TENM4: variants seen among roughly 807,000 people sequenced by gnomAD.
The protein encoded by TENM4 is teneurin-4.
Under a neutral mutation model 243.3 loss-of-function variants are expected in TENM4, and 82 were observed. The observed-to-expected ratio is 0.34, with a 90% CI of 0.28 to 0.40. TENM4 has a LOEUF of 0.40. TENM4 is among the 10% of genes least tolerant of loss of function. The pLI, the probability that TENM4 is intolerant of heterozygous loss-of-function variation, is 1.00. For synonymous variants in TENM4, 1,412 were observed against 1,456.3 expected (o/e 0.97, Z 0.69); for missense variants, 3,138 against 3,673.3 (o/e 0.85, Z 3.77).
chr11:79,143,829 T>C (rs1429008290), intron 4 of TENM4, among the ~76,000 whole-genome samples: 1 of 151,758 alleles, frequency 6.6e-6, no homozygotes, highest in Non-Finnish European at 1.5e-5. Context: ...ATGTAAGACC[T>C]GAAACTAGGA....
intron 2 of TENM4, among the ~76,000 whole-genome samples, chr11:79,263,278 G>A (rs1016921883): frequency 1.3e-5 from 2 of 152,216 alleles, no homozygotes; most frequent in African/African-American, 2.4e-5. Flanking sequence ...TTGCTGGGCT[G>A]AGAAGAAGGA....
intron 2 of TENM4, among the ~76,000 whole-genome samples, chr11:79,285,987 C>A (rs1174699631): frequency 6.6e-6 from 1 of 151,822 alleles, no homozygotes; most frequent in Non-Finnish European, 1.5e-5. Context: ...TGTGAATAGA[C>A]TAAAAAAATA....
At position 79,215,796 on chromosome 11, in the gene TENM4, A is replaced by G. The variant is rs1429755573; in HGVS notation, c.-163+12T>C. ...CTAATGACAGAAAATCAGAGCAGAC[A>G]AGGGGACTGACCTGGCTCCATGTCA... On this transcript the variant is annotated intron_variant, in intron 3 of 33. Transcript: ENST00000278550. The G allele has an allele frequency of 1.0e-6, 1 of 985,752 alleles. No individual in the cohort carries two copies. Among genetic ancestry groups the G allele is most frequent in the East Asian group, 1.1e-4 (1 of 8,802 alleles). 61.1% of individuals were successfully genotyped at this position (985,752 alleles called of 1,614,324 possible). A position where few individuals can be genotyped will look rare whatever the true frequency, so the allele number is the denominator to read the frequency against.
In TENM4 at chr11:79,425,033, G is replaced by A. The variant is rs79973776; in HGVS notation, c.-321+15476C>T. On this transcript the variant is annotated intron_variant, in intron 1 of 33. Coordinates refer to ENST00000278550, the MANE Select transcript of TENM4 (RefSeq NM_001098816.3). ...CTTAGGTCAGTCTGACTCTTCAGCT[G>A]ATAATGTCTTAATAGTACCTTTAAC... 2.6e-3 allele frequency among the ~76,000 whole-genome samples: 399 copies of A among 152,284 alleles called. 1 individual carries two copies. The highest frequency in any genetic ancestry group is 9.0e-3 in the African/African-American group (375 of 41,564).
intron 20 of TENM4, among the ~76,000 whole-genome samples, chr11:78,734,708 A>G (rs1334232965): frequency 6.6e-6 from 1 of 152,168 alleles, no homozygotes; most frequent in African/African-American, 2.4e-5. Flanking sequence ...TTACCCAGTC[A>G]GAATTCCAGC....
In TENM4 at chr11:79,440,271, C is replaced by G. The variant is rs1278523622; in HGVS notation, c.-321+238G>C. ...CTTGCTCCCAGGCTCCAGTCCGCGG[C>G]GGGCTCCGGGGGCTGCGGCGGCTCC... On this transcript the variant is annotated intron_variant, in intron 1 of 33. Coordinates refer to ENST00000278550, the MANE Select transcript of TENM4 (RefSeq NM_001098816.3). The surrounding 1 kb of genome is among the most constrained non-coding windows in gnomAD (Gnocchi z 4.7). 6.6e-6 allele frequency among the ~76,000 whole-genome samples: 1 copy of G among 151,860 alleles called. No homozygotes were observed. The highest frequency in any genetic ancestry group is 1.5e-5 in the Non-Finnish European group (1 of 67,940).
rs142028210 is a variant in TENM4, at chr11:79,255,106, G to A, written c.-264-39197C>T. ...TGACCAGAAAGGTCTGGAATTCACC[G>A]CAGAATTGGGGGCGTGGTGCAAATC... On this transcript the variant is annotated intron_variant, in intron 2 of 33. Coordinates refer to ENST00000278550, the MANE Select transcript of TENM4 (RefSeq NM_001098816.3). 1.8e-3 allele frequency among the ~76,000 whole-genome samples: 278 copies of A among 152,334 alleles called. 2 individuals are homozygous for A. Among genetic ancestry groups the A allele is most frequent in the African/African-American group, 6.4e-3 (265 of 41,572 alleles).
At chr11:79,068,950 C>T (rs1353156105) in intron 5 of TENM4, among the ~76,000 whole-genome samples, 2 of 152,138 alleles carry the variant, frequency 1.3e-5, no homozygotes, top group Admixed American at 1.3e-4. Context: ...CCCCAAGCTT[C>T]ATCTGGCTGC....
At chr11:79,309,261 G>T (rs970221510) in intron 1 of TENM4, among the ~76,000 whole-genome samples, 1 of 152,236 alleles carries the variant, frequency 6.6e-6, no homozygotes, top group Non-Finnish European at 1.5e-5. Context: ...TATGCTGTCA[G>T]TTTGCAGCCC....
In TENM4 at chr11:78,702,284, C is replaced by A; in HGVS notation, c.4329G>T (p.Gly1443=). The change falls in exon 28 of 34, where the codon GGG becomes GGT. Residue 1443 remains glycine (G), a synonymous_variant. Transcript: ENST00000278550. ...SENHQVRIVA[G]RPMHCQVPGI... ...CAGGGACCTGGCAGTGCATGGGCCT[C>A]CCGGCGACAATGCGCACCTGGTGGT... 6.2e-7 allele frequency: 1 copy of A among 1,614,024 alleles called. No individual in the cohort carries two copies. The highest frequency in any genetic ancestry group is 8.5e-7 in the Non-Finnish European group (1 of 1,179,892).
chr11:79,178,300 A>T (rs1242049502), intron 3 of TENM4, among the ~76,000 whole-genome samples: 1 of 152,152 alleles, frequency 6.6e-6, no homozygotes, highest in Non-Finnish European at 1.5e-5. Flanking sequence ...GGATATATAA[A>T]TTGGAGTTTA....
At chr11:78,770,647 C>A (rs184344355) in intron 18 of TENM4, among the ~76,000 whole-genome samples, 2 of 152,330 alleles carry the variant, frequency 1.3e-5, no homozygotes, top group African/African-American at 2.4e-5. Flanking sequence ...ATTAGATGGT[C>A]TCTTCTTATC....
chr11:79,390,085 T>C (rs1002133393), intron 1 of TENM4, among the ~76,000 whole-genome samples: 11 of 152,178 alleles, frequency 7.2e-5, no homozygotes, highest in African/African-American at 7.2e-5. Flanking sequence ...TAGTCTTGGC[T>C]TGGGCAGGTG....
chr11:78,864,433 C>CAAAAAAAAAAAAAA (rs145489804), intron 9 of TENM4, among the ~76,000 whole-genome samples: 1 of 36,204 alleles, frequency 2.8e-5, no homozygotes, highest in Non-Finnish European at 4.4e-5. Context: ...GACTCCGTCT[C>CAAAAAAAAAAAAAA]AAAAAAAAAA....
chr11:79,306,220 G>A (rs475671), intron 1 of TENM4, among the ~76,000 whole-genome samples: 119,497 of 152,182 alleles, frequency 0.79, 47,150 homozygotes, highest in Middle Eastern at 0.89. Context: ...CGAGCTTTAT[G>A]GTAAAAGAGA....
At chr11:79,378,116 A>C (rs987454825) in intron 1 of TENM4, among the ~76,000 whole-genome samples, 2 of 152,214 alleles carry the variant, frequency 1.3e-5, no homozygotes, top group African/African-American at 4.8e-5. Context: ...TTAAAGTACA[A>C]AGCTGCTGGT....
At chr11:78,840,797 A>G (rs1360797541) in intron 12 of TENM4, among the ~76,000 whole-genome samples, 8 of 152,222 alleles carry the variant, frequency 5.3e-5, no homozygotes, top group Non-Finnish European at 1.2e-4. Flanking sequence ...GGGGCCCAGG[A>G]ATGAAAGCCA....
intron 1 of TENM4, among the ~76,000 whole-genome samples, chr11:79,396,788 T>C (rs1036704690): frequency 1.3e-5 from 2 of 152,204 alleles, no homozygotes; most frequent in African/African-American, 4.8e-5. Flanking sequence ...TCACACTCCA[T>C]AGGACCATTT....
intron 1 of TENM4, among the ~76,000 whole-genome samples, chr11:79,401,126 T>A (rs1184089240): frequency 1.3e-5 from 2 of 152,214 alleles, no homozygotes; most frequent in Admixed American, 6.5e-5. Flanking sequence ...ATACAAGGGA[T>A]CCATGGAGGT....
Sources: allele counts gnomAD v4.1 joint callset (sites outside exome capture counted in the v4.1 genomes callset), GRCh38; gene constraint gnomAD v4.1.1; non-coding constraint Gnocchi (gnomAD v3.1); transcripts MANE v1.5; gene names NCBI Gene and HGNC (gene_info 2026-07-23, HGNC 2026-07-21).